BBS9: variants seen among roughly 807,000 people sequenced by gnomAD.
The protein encoded by BBS9 is Bardet-Biedl syndrome 9.
In BBS9, 89 loss-of-function variants were observed where a neutral mutation model predicts 117.7. The ratio of observed to expected loss-of-function variants is 0.76; its 90% CI spans 0.64 to 0.90. The LOEUF (loss-of-function observed/expected upper bound fraction) is 0.90. BBS9 is among the 40% of genes least tolerant of loss of function. The probability of loss-of-function intolerance (pLI) is 0.00; values close to 1 mark genes in which losing one functional copy is unlikely to be tolerated. For missense variants in BBS9, 982 were observed against 1,042.2 expected (o/e 0.94, Z 0.80); for synonymous variants, 379 against 370.9 (o/e 1.02, Z -0.25).
chr7:33,505,753 G>C, intron 20 of BBS9, 108 bp downstream of exon 20: 1 of 1,206,064 alleles, frequency 8.3e-7, no homozygotes. Flanking sequence ...ATAAGGGTTT[G>C]ATTTTTTACA....
chr7:33,602,531 C>G (rs1863959138), intron 21 of BBS9, among the ~76,000 whole-genome samples: 1 of 152,114 alleles, frequency 6.6e-6, no homozygotes, highest in Non-Finnish European at 1.5e-5. Flanking sequence ...AAGTTCGAGA[C>G]CAGCCTGACC....
intron 19 of BBS9, among the ~76,000 whole-genome samples, chr7:33,451,127 A>G (rs373024715): frequency 3.3e-5 from 5 of 152,152 alleles, no homozygotes; most frequent in African/African-American, 9.6e-5. Context: ...TGACCTCGTG[A>G]TCTGCCTGCC....
chr7:33,181,910 C>T (rs565069442), intron 5 of BBS9, among the ~76,000 whole-genome samples: 5 of 152,170 alleles, frequency 3.3e-5, no homozygotes, highest in South Asian at 2.1e-4. Flanking sequence ...GGTGAAACCC[C>T]GTCTCTACTA....
chr7:33,458,443 A>G (rs1838966720), intron 19 of BBS9, among the ~76,000 whole-genome samples: 1 of 152,150 alleles, frequency 6.6e-6, no homozygotes, highest in Non-Finnish European at 1.5e-5. Flanking sequence ...TTTCTAGTCC[A>G]TTTGTGGATT....
intron 21 of BBS9, among the ~76,000 whole-genome samples, chr7:33,586,831 A>G (rs933009974): frequency 1.1e-4 from 17 of 152,220 alleles, no homozygotes; most frequent in African/African-American, 3.9e-4. Context: ...CTCACTTATG[A>G]GTGGAAGCTG....
At chr7:33,282,525 C>G (rs1245784151) in intron 9 of BBS9, among the ~76,000 whole-genome samples, 1 of 152,106 alleles carries the variant, frequency 6.6e-6, no homozygotes, top group Non-Finnish European at 1.5e-5. Context: ...GTGCCCGCCA[C>G]CATGACTGGC....
chr7:33,206,444 T>C (rs1355043509), intron 5 of BBS9, among the ~76,000 whole-genome samples: 1 of 152,190 alleles, frequency 6.6e-6, no homozygotes, highest in Non-Finnish European at 1.5e-5. Context: ...ATATTTCCTT[T>C]CTTTTTCTCT....
intron 9 of BBS9, among the ~76,000 whole-genome samples, chr7:33,318,941 G>A (rs1811107854): frequency 6.6e-6 from 1 of 152,252 alleles, no homozygotes; most frequent in East Asian, 1.9e-4. Context: ...AGTGTGGGCG[G>A]ATCACGAGGT....
chr7:33,211,721 A>G (rs1788060684), intron 5 of BBS9, among the ~76,000 whole-genome samples: 1 of 152,178 alleles, frequency 6.6e-6, no homozygotes, highest in Non-Finnish European at 1.5e-5. Flanking sequence ...TTTCTCATTA[A>G]CATCCTTTTC....
At chr7:33,134,215 A>ATTTTT (rs59609414) in intron 1 of BBS9, among the ~76,000 whole-genome samples, 7 of 118,056 alleles carry the variant, frequency 5.9e-5, no homozygotes, top group Non-Finnish European at 5.2e-5. Flanking sequence ...ACGCCTGGCT[A>ATTTTT]TTTTTTTTTT....
chr7:33,466,665 A>G (rs1840209732), intron 19 of BBS9, among the ~76,000 whole-genome samples: 1 of 152,168 alleles, frequency 6.6e-6, no homozygotes, highest in South Asian at 2.1e-4. Flanking sequence ...AGTAAGAATC[A>G]TGACATCACA....
chr7:33,225,954 C>T (rs1165601494), intron 5 of BBS9, among the ~76,000 whole-genome samples: 1 of 152,160 alleles, frequency 6.6e-6, no homozygotes, highest in East Asian at 1.9e-4. Context: ...TGTGCATATG[C>T]ACACATTTGT....
At chr7:33,633,040 C>T (rs1382864899) in intron 21 of BBS9, among the ~76,000 whole-genome samples, 5 of 152,126 alleles carry the variant, frequency 3.3e-5, no homozygotes, top group Admixed American at 3.3e-4. Flanking sequence ...GCGGCCCAAA[C>T]TAGGATTAAC....
At chr7:33,466,563 C>G (rs934981375) in intron 19 of BBS9, among the ~76,000 whole-genome samples, 1 of 151,986 alleles carries the variant, frequency 6.6e-6, no homozygotes, top group African/African-American at 2.4e-5. Flanking sequence ...ATTCTTTATT[C>G]ATTCATCTGT....
chr7:33,292,206 T>C (rs1241764318), intron 9 of BBS9, among the ~76,000 whole-genome samples: 3 of 150,590 alleles, frequency 2.0e-5, no homozygotes, highest in Admixed American at 1.4e-4. Flanking sequence ...TAAAAGAACA[T>C]TTAGTTTGGC....
intron 5 of BBS9, among the ~76,000 whole-genome samples, chr7:33,196,990 A>C (rs1054386956): frequency 4.6e-5 from 7 of 152,166 alleles, no homozygotes; most frequent in Non-Finnish European, 8.8e-5. Context: ...TTTTTCTAAA[A>C]GGTGAGTTCT....
chr7:33,396,211 A>G (rs1308964276), intron 19 of BBS9, among the ~76,000 whole-genome samples: 1 of 152,194 alleles, frequency 6.6e-6, no homozygotes, highest in Non-Finnish European at 1.5e-5. Context: ...ACATTCATCA[A>G]GGTATTCATT....
intron 1 of BBS9, among the ~76,000 whole-genome samples, chr7:33,139,209 G>A (rs1388668135): frequency 6.6e-6 from 1 of 151,196 alleles, no homozygotes; most frequent in Admixed American, 6.6e-5. Flanking sequence ...CTGAGATTGT[G>A]CCATTGCACT....
intron 19 of BBS9, among the ~76,000 whole-genome samples, chr7:33,419,529 A>G (rs1205862546): frequency 6.6e-6 from 1 of 152,158 alleles, no homozygotes; most frequent in Admixed American, 6.5e-5. Flanking sequence ...AGATTGTCTT[A>G]TAATAATAAA....
Sources: allele counts gnomAD v4.1 joint callset (sites outside exome capture counted in the v4.1 genomes callset), GRCh38; gene constraint gnomAD v4.1.1; transcripts MANE v1.5; gene names NCBI Gene and HGNC (gene_info 2026-07-23, HGNC 2026-07-21).